The following SAMD4A variants were observed in gnomAD, a reference collection of about 807,000 sequenced individuals.
SAMD4A encodes protein Smaug homolog 1.
Under a neutral mutation model 81.3 loss-of-function variants are expected in SAMD4A, and 33 were observed. That is an observed-to-expected ratio of 0.41 (90% CI 0.31 to 0.54). The LOEUF (loss-of-function observed/expected upper bound fraction) is 0.54. Among genes scored for constraint, SAMD4A ranks in the 20% least tolerant of loss-of-function variants. The probability of loss-of-function intolerance (pLI) is 0.37; values close to 1 mark genes in which losing one functional copy is unlikely to be tolerated. For missense variants in SAMD4A, 854 were observed against 951.1 expected (o/e 0.90, Z 1.34); for synonymous variants, 389 against 382.1 (o/e 1.02, Z -0.21).
intron 2 of SAMD4A, among the ~76,000 whole-genome samples, chr14:54,674,059 T>G (rs996609239): frequency 5.9e-5 from 9 of 152,238 alleles, no homozygotes; most frequent in Admixed American, 5.9e-4. Flanking sequence ...CTCTGGGACC[T>G]AAATCCATTT....
At chr14:54,708,685 A>G (rs545697180) in intron 3 of SAMD4A, among the ~76,000 whole-genome samples, 2 of 152,324 alleles carry the variant, frequency 1.3e-5, no homozygotes, top group South Asian at 4.1e-4. Context: ...TGCCTTACAA[A>G]GCACATGAAG....
At chr14:54,748,440 C>T (rs950857216) in intron 4 of SAMD4A, among the ~76,000 whole-genome samples, 4 of 152,320 alleles carry the variant, frequency 2.6e-5, no homozygotes, top group Middle Eastern at 6.8e-3. Context: ...TGTTCCCTGC[C>T]ATCTTTTTGG....
intron 2 of SAMD4A, among the ~76,000 whole-genome samples, chr14:54,616,931 C>T (rs1266043089): frequency 6.6e-6 from 1 of 152,104 alleles, no homozygotes; most frequent in Admixed American, 6.5e-5. Flanking sequence ...TTGAATATGA[C>T]CTAGTGAAAG....
chr14:54,749,740 T>G (rs2038054656), intron 5 of SAMD4A, among the ~76,000 whole-genome samples: 1 of 152,256 alleles, frequency 6.6e-6, no homozygotes, highest in Non-Finnish European at 1.5e-5. Context: ...TTGTTTAAAA[T>G]GCTATTTGCA....
chr14:54,717,421 A>T (rs2037145439), intron 3 of SAMD4A, among the ~76,000 whole-genome samples: 1 of 151,052 alleles, frequency 6.6e-6, no homozygotes, highest in South Asian at 2.1e-4. Flanking sequence ...AGCCTGGACT[A>T]CAGAGCAAGA....
At chr14:54,689,855 T>A (rs1284524833) in intron 2 of SAMD4A, 1 of 152,106 alleles carries the variant, frequency 6.6e-6, no homozygotes, top group East Asian at 1.9e-4. Flanking sequence ...GGAGGGGTGT[T>A]GATGTGAAGA....
In SAMD4A at chr14:54,626,053, TGTGTGTGCGCGCGCGCGCGC is replaced by T. The variant is rs781165017; in HGVS notation, c.196+57943_196+57962del. On this transcript the variant is annotated intron_variant, in intron 2 of 12. Transcript: ENST00000554335. ...GTGTGTGTGTGTGTGTGTGTGTGTG[TGTGTGTGCGCGCGCGCGCGC>T]GCGAGTGCGCACATGTGCATGCATG... 5.9e-3 allele frequency among the ~76,000 whole-genome samples: 712 copies of T among 120,168 alleles called. 2 individuals carry two copies. The highest frequency in any genetic ancestry group is 0.012 in the Admixed American group (156 of 12,924). 78.8% of individuals were successfully genotyped at this position (120,168 alleles called of 152,430 possible).
chr14:54,730,804 T>C (rs1219145961), intron 3 of SAMD4A, among the ~76,000 whole-genome samples: 1 of 152,226 alleles, frequency 6.6e-6, no homozygotes, highest in African/African-American at 2.4e-5. Flanking sequence ...TCTGGTTTTG[T>C]ATGTTTCAAA....
chr14:54,758,696 G>A (rs1017739167), intron 6 of SAMD4A, among the ~76,000 whole-genome samples: 1 of 152,180 alleles, frequency 6.6e-6, no homozygotes, highest in Non-Finnish European at 1.5e-5. Flanking sequence ...TGGGTGTGGT[G>A]GCACATGCCC....
At chr14:54,630,651 T>C (rs1165303893) in intron 2 of SAMD4A, among the ~76,000 whole-genome samples, 1 of 152,168 alleles carries the variant, frequency 6.6e-6, no homozygotes, top group Admixed American at 6.6e-5. Context: ...CTGAGAATGC[T>C]TTGGTGGTGG....
chr14:54,740,593 G>C (rs1012188765), intron 4 of SAMD4A, among the ~76,000 whole-genome samples: 3 of 152,166 alleles, frequency 2.0e-5, no homozygotes, highest in Non-Finnish European at 2.9e-5. Context: ...CTTTCATCTA[G>C]CTAGACTGGC....
intron 2 of SAMD4A, among the ~76,000 whole-genome samples, chr14:54,616,821 CAATG>C (rs770918536): frequency 3.9e-5 from 6 of 152,134 alleles, no homozygotes; most frequent in Non-Finnish European, 8.8e-5. Context: ...TCTGAAGTAG[CAATG>C]TACGTAACAG....
rs923505607 is a variant in SAMD4A at position 54,694,587 on chromosome 14, G to T, written c.197-7475G>T. ...ATCTGGGGCTCAGGGGAGAAACCTG[G>T]GCTGGAAATACAAACGTGGAGTTGT... On this transcript the variant is annotated intron_variant, in intron 2 of 12. Transcript: ENST00000554335. 5 of 982,834 alleles carry T rather than the reference G, an allele frequency of 5.1e-6. No homozygotes were observed. In the African/African-American group the frequency reaches 8.7e-5, roughly 17 times the overall value. 60.9% of individuals were successfully genotyped at this position (982,834 alleles called of 1,614,324 possible). A position where few individuals can be genotyped will look rare whatever the true frequency, so the allele number is the denominator to read the frequency against.
intron 3 of SAMD4A, chr14:54,735,237 C>A (rs1309389964): frequency 6.7e-6 from 1 of 149,626 alleles, no homozygotes; most frequent in Non-Finnish European, 1.5e-5. Flanking sequence ...TCTCTGCTTT[C>A]CCCCCACTTT....
At chr14:54,577,467 G>T (rs2033335258) in intron 2 of SAMD4A, among the ~76,000 whole-genome samples, 1 of 152,248 alleles carries the variant, frequency 6.6e-6, no homozygotes, top group South Asian at 2.1e-4. Flanking sequence ...CAAAATATTT[G>T]AATGTAACCA....
intron 3 of SAMD4A, among the ~76,000 whole-genome samples, chr14:54,716,921 A>G (rs1274394542): frequency 6.6e-6 from 1 of 152,134 alleles, no homozygotes; most frequent in African/African-American, 2.4e-5. Flanking sequence ...TTCTAAATGC[A>G]GAGGATGTAG....
chr14:54,746,116 G>A (rs1433617219), intron 4 of SAMD4A, among the ~76,000 whole-genome samples: 1 of 152,192 alleles, frequency 6.6e-6, no homozygotes, highest in Non-Finnish European at 1.5e-5. Flanking sequence ...TGCTTCTCTG[G>A]TTTGTTTCTC....
chr14:54,658,985 G>A (rs1281651586), intron 2 of SAMD4A, among the ~76,000 whole-genome samples: 4 of 152,204 alleles, frequency 2.6e-5, no homozygotes, highest in African/African-American at 4.8e-5. Flanking sequence ...CTGAGATTCA[G>A]TTTGCACACC....
intron 2 of SAMD4A, among the ~76,000 whole-genome samples, chr14:54,616,303 A>T (rs1462890690): frequency 6.6e-6 from 1 of 152,242 alleles, no homozygotes; most frequent in Non-Finnish European, 1.5e-5. Context: ...GAATTATGGG[A>T]CAATGCCTAT....
Sources: gnomAD v4.1 joint callset for allele counts (sites outside exome capture counted in the v4.1 genomes callset) on GRCh38, gnomAD v4.1.1 for gene constraint, MANE v1.5 for transcripts, NCBI Gene and HGNC (gene_info 2026-07-23, HGNC 2026-07-21) for gene names.